IFT22: variants seen among roughly 807,000 people sequenced by gnomAD.
IFT22 encodes intraflagellar transport 22.
Under a neutral mutation model 21.0 loss-of-function variants are expected in IFT22, and 13 were observed. The ratio of observed to expected loss-of-function variants is 0.62; its 90% confidence interval spans 0.40 to 0.98. The LOEUF (loss-of-function observed/expected upper bound fraction) is 0.98, where lower values mean the gene tolerates loss of function less well. Ranked by LOEUF, IFT22 falls within the 50% of genes least tolerant of loss-of-function variation. The probability of loss-of-function intolerance (pLI) is 0.00; values close to 1 mark genes in which losing one functional copy is unlikely to be tolerated. For missense variants in IFT22, 227 were observed against 228.9 expected, an observed-to-expected ratio of 0.99 and a Z score of 0.06; for synonymous variants, 67 against 82.4, an observed-to-expected ratio of 0.81 and a Z score of 1.01.
Position 101,315,941 on chromosome 7 carries a change from T to G in IFT22, c.409+399A>C, listed in dbSNP as rs527890557. On this transcript the variant is annotated intron_variant, in intron 4 of 4. Transcript: ENST00000315322. ...CCCGACCTCAAGTGATCCGCACACCTTGGCCTCCCAAAGTGTTGGGATTAC... is the reference window on the plus strand; with the variant it reads ...CCCGACCTCAAGTGATCCGCACACCGTGGCCTCCCAAAGTGTTGGGATTAC... The G allele has an allele frequency of 1.1e-3, 205 of 190,046 alleles. 1 individual carries two copies. The highest frequency in any genetic ancestry group is 2.6e-3 in the Middle Eastern group (1 of 392). The allele number at this position is 190,046 out of a possible 1,614,324, so 11.8% of individuals were successfully genotyped here. A position where few individuals can be genotyped will look rare whatever the true frequency, so the allele number is the denominator to read the frequency against.
intron 3 of IFT22, 61 bp downstream of exon 3, chr7:101,318,063 T>A: frequency 6.9e-7 from 1 of 1,447,502 alleles, no homozygotes; most frequent in Non-Finnish European, 9.6e-7. Flanking sequence ...CCACCGCCCC[T>A]GGCTTGGGCA....
chr7:101,320,420 C>T (rs1394327466), intron 1 of IFT22, among the ~76,000 whole-genome samples: 1 of 151,592 alleles, frequency 6.6e-6, no homozygotes, highest in Non-Finnish European at 1.5e-5. Context: ...CCACCACGCC[C>T]GGCTAATTTT....
In IFT22 at chr7:101,314,387, C is replaced by A. The variant is rs1039345337; in HGVS notation, c.*747G>T. 1 of 150,336 alleles carries A rather than the reference C, an allele frequency of 6.7e-6. No homozygotes were observed. The highest frequency in any genetic ancestry group is 1.5e-5 in the Non-Finnish European group (1 of 67,766). The allele number at this position is 150,336 out of a possible 1,614,324, so 9.3% of individuals were successfully genotyped here. On this transcript the variant is annotated 3_prime_UTR_variant, in exon 5 of 5. Transcript: ENST00000315322. ...GGTCAGGATGGTCTCGATCTCCTGACCTCATGATCCGCCCACCTTGGCCTC... is the reference window on the plus strand; with the variant it reads ...GGTCAGGATGGTCTCGATCTCCTGAACTCATGATCCGCCCACCTTGGCCTC...
intron 1 of IFT22, among the ~76,000 whole-genome samples, chr7:101,320,846 CA>C: frequency 6.6e-6 from 1 of 151,888 alleles, no homozygotes; most frequent in South Asian, 2.1e-4. Context: ...CCTGTCTCTA[CA>C]AATAATTAAC....
intron 4 of IFT22, 149 bp downstream of exon 4, chr7:101,316,191 G>C (rs1244795172): frequency 2.8e-6 from 2 of 715,844 alleles, no homozygotes; most frequent in Non-Finnish European, 4.8e-6. Flanking sequence ...TAGAGACGTA[G>C]TGGACTCACA....
At chr7:101,320,539 G>T (rs1383445441) in intron 1 of IFT22, among the ~76,000 whole-genome samples, 1 of 148,558 alleles carries the variant, frequency 6.7e-6, no homozygotes, top group East Asian at 2.0e-4. Flanking sequence ...GATTACAGGC[G>T]TGAGCCACCG....
chr7:101,314,379 TCTC>T lies in IFT22; in HGVS notation c.*752_*754del, dbSNP rs1195636161. The T allele has an allele frequency of 6.6e-6, 1 of 151,602 alleles. No individual in the cohort carries two copies. Among genetic ancestry groups the T allele is most frequent in the Non-Finnish European group, 1.5e-5 (1 of 67,950 alleles). The allele number at this position is 151,602 out of a possible 1,614,324, so 9.4% of individuals were successfully genotyped here. ...ACCACGTTGGTCAGGATGGTCTCGATCTCCTGACCTCATGATCCGCCCACCTTG... is the reference window on the plus strand; with the variant it reads ...ACCACGTTGGTCAGGATGGTCTCGATCTGACCTCATGATCCGCCCACCTTG... On this transcript the variant is annotated 3_prime_UTR_variant, in exon 5 of 5. Coordinates refer to ENST00000315322, the MANE Select transcript of IFT22 (RefSeq NM_022777.4).
chr7:101,315,997 CTTT>C (rs59453200), intron 4 of IFT22: 515 of 141,644 alleles, frequency 3.6e-3, no homozygotes, highest in Middle Eastern at 0.011. Flanking sequence ...GGTCTTTTCT[CTTT>C]TTTTTTTTTT....
chr7:101,315,693 G>A, intron 4 of IFT22: 1 of 210,116 alleles, frequency 4.8e-6, no homozygotes, highest in South Asian at 7.8e-5. Context: ...TCTGTATTCT[G>A]CTCTTTTTTT....
intron 1 of IFT22, among the ~76,000 whole-genome samples, chr7:101,319,679 G>C (rs11767513): frequency 1.1e-4 from 15 of 137,578 alleles, no homozygotes; most frequent in Non-Finnish European, 1.8e-4. Context: ...GGTCTTGCTC[G>C]GTTGCCCAGG....
rs942444914 is a variant in IFT22, at chr7:101,314,950, A to C, written c.*184T>G. On this transcript the variant is annotated 3_prime_UTR_variant, in exon 5 of 5. Coordinates refer to ENST00000315322, the MANE Select transcript of IFT22 (RefSeq NM_022777.4). Reference sequence around the variant, plus strand: ...TTGATAATAGGATTTTCTCAACTGAACTCAGGGCAGAGCACAGATGGTCTG... The same window carrying C: ...TTGATAATAGGATTTTCTCAACTGACCTCAGGGCAGAGCACAGATGGTCTG... The C allele has an allele frequency of 2.5e-5, 15 of 604,972 alleles. No individual in the cohort carries two copies. The African/African-American group carries it at 2.8e-4, about 11-fold the overall frequency. The allele number at this position is 604,972 out of a possible 1,614,324, so 37.5% of individuals were successfully genotyped here.
chr7:101,315,715 A>T (rs1790125235), intron 4 of IFT22: 1 of 201,754 alleles, frequency 5.0e-6, no homozygotes, highest in Non-Finnish European at 9.9e-6. Context: ...TTTGAAACAG[A>T]GTTTCACTCT....
intron 1 of IFT22, among the ~76,000 whole-genome samples, chr7:101,320,100 G>A (rs1004449216): frequency 6.6e-6 from 1 of 151,748 alleles, no homozygotes; most frequent in Non-Finnish European, 1.5e-5. Flanking sequence ...GGGATTACAG[G>A]CATGCACCAC....
intron 3 of IFT22, among the ~76,000 whole-genome samples, chr7:101,317,607 A>G (rs1459687860): frequency 6.6e-6 from 1 of 152,044 alleles, no homozygotes; most frequent in African/African-American, 2.4e-5. Context: ...CCTAATCACT[A>G]AAGTGTATAA....
chr7:101,316,389 A>T lies in IFT22; in HGVS notation c.360T>A (p.Ile120=), dbSNP rs779160449. The change falls in exon 4 of 5, where the codon ATT becomes ATA. Residue 120 remains isoleucine, a synonymous_variant. Transcript: ENST00000315322. The part of the protein sequence containing the change: ...PSLQDTQCML[I]AHHKPGSGDD... ...CTCCAGAGCCTGGTTTGTGGTGTGC[A>T]ATTAGCATACACTGTGTGTCCTGTA... 1.2e-6 allele frequency: 2 copies of T among 1,614,164 alleles called. No individual in the cohort carries two copies. Among genetic ancestry groups the T allele is most frequent in the Admixed American group, 1.7e-5 (1 of 59,984 alleles).
chr7:101,319,714 G>C (rs976003545), intron 1 of IFT22, among the ~76,000 whole-genome samples: 1 of 141,502 alleles, frequency 7.1e-6, no homozygotes, highest in Non-Finnish European at 1.5e-5. Context: ...TGTGATCATA[G>C]CTCACTGCAG....
At chr7:101,316,235 G>A (rs1790145010) in intron 4 of IFT22, 105 bp downstream of exon 4, 2 of 1,033,142 alleles carry the variant, frequency 1.9e-6, no homozygotes, top group Non-Finnish European at 3.0e-6. Flanking sequence ...GGTACAGTAG[G>A]TGCTCAGTAA....
chr7:101,312,537 T>TTTG lies in IFT22; in HGVS notation c.*2596_*2597insCAA, dbSNP rs937286528. Among the ~76,000 whole-genome samples, 1 of 144,948 alleles carries TTTG rather than the reference T, an allele frequency of 6.9e-6. No individual in the cohort carries two copies. The highest frequency in any genetic ancestry group is 1.5e-5 in the Non-Finnish European group (1 of 66,092). ...TATAATGTTTTGGAGAGAGTTGTTT[T>TTTG]TTTTTTTTTTTTTTTTGTGACGGAG... On this transcript the variant is annotated 3_prime_UTR_variant, in exon 5 of 5. Coordinates refer to ENST00000315322, the MANE Select transcript of IFT22 (RefSeq NM_022777.4).
At position 101,321,719 on chromosome 7, in the gene IFT22, C is replaced by T. The variant is rs1790359099; in HGVS notation, c.-10G>A. The T allele has an allele frequency of 6.3e-7, 1 of 1,595,364 alleles. No individual in the cohort carries two copies. On this transcript the variant is annotated 5_prime_UTR_variant, in exon 1 of 5. Coordinates refer to ENST00000315322, the MANE Select transcript of IFT22 (RefSeq NM_022777.4). ...TCTTGGCTTTCAGCATAGTTGTCCG[C>T]CGCGGCTTAGCCGGCCGGAGCCCAC...
Sources: gnomAD v4.1 joint callset for allele counts (sites outside exome capture counted in the v4.1 genomes callset) on GRCh38, gnomAD v4.1.1 for gene constraint, MANE v1.5 for transcripts, NCBI Gene and HGNC (gene_info 2026-07-23, HGNC 2026-07-21) for gene names.